RNF150: variants seen among roughly 807,000 people sequenced by gnomAD.
The protein encoded by RNF150 is ring finger protein 150.
RNF150 carries 24 observed loss-of-function variants against 39.3 expected under a neutral mutation model. That is an observed-to-expected ratio of 0.61 (90% confidence interval 0.44 to 0.86). The LOEUF (loss-of-function observed/expected upper bound fraction) is 0.86, where lower values mean the gene tolerates loss of function less well. RNF150 is among the 40% of genes least tolerant of loss of function. The pLI is 0.00. For synonymous variants in RNF150, 255 were observed against 227.3 expected (o/e 1.12, Z -1.10); for missense variants, 502 against 587.8 (o/e 0.85, Z 1.51).
chr4:141,034,922 C>T (rs1173674156), intron 1 of RNF150, among the ~76,000 whole-genome samples: 1 of 152,070 alleles, frequency 6.6e-6, no homozygotes, highest in Non-Finnish European at 1.5e-5. Context: ...TTGAGAATTA[C>T]CAAAATGTGA....
chr4:141,188,339 C>A (rs780974247), intron 1 of RNF150, among the ~76,000 whole-genome samples: 2 of 152,096 alleles, frequency 1.3e-5, no homozygotes, highest in Non-Finnish European at 2.9e-5. Flanking sequence ...TGTTGTTCTT[C>A]TTGAGGAGTA....
intron 1 of RNF150, among the ~76,000 whole-genome samples, chr4:141,176,883 C>T (rs1276216615): frequency 2.0e-5 from 3 of 152,090 alleles, no homozygotes; most frequent in Admixed American, 1.3e-4. Flanking sequence ...CTTTGAAGTA[C>T]ACACTCCTAT....
chr4:141,133,016 G>T lies in RNF150; in HGVS notation c.-208C>A, dbSNP rs1726947646. 2.0e-6 allele frequency: 1 copy of T among 500,150 alleles called. No individual in the cohort carries two copies. The highest frequency in any genetic ancestry group is 2.1e-5 in the African/African-American group (1 of 48,204). 31.0% of individuals were successfully genotyped at this position (500,150 alleles called of 1,614,324 possible). On this transcript the variant is annotated 5_prime_UTR_variant, in exon 1 of 7. Transcript: ENST00000515673. ...CTGGCCCCTTCCCCTCTCAGCTGTA[G>T]CGCGGTGGTTGCATTTTGCTTCTTG...
chr4:140,896,723 A>AAAT (rs1553989320), intron 6 of RNF150, among the ~76,000 whole-genome samples: 2,938 of 135,952 alleles, frequency 0.022, 137 homozygotes, highest in African/African-American at 0.079. Context: ...CAAACAAACA[A>AAAT]AAAAAAATAA....
At chr4:140,965,222 C>A (rs1479577421) in intron 2 of RNF150, among the ~76,000 whole-genome samples, 1 of 152,020 alleles carries the variant, frequency 6.6e-6, no homozygotes, top group African/African-American at 2.4e-5. Context: ...GTCTATCATG[C>A]AGAAAACAAG....
At chr4:140,894,824 T>C (rs1378264550) in intron 6 of RNF150, among the ~76,000 whole-genome samples, 2 of 152,202 alleles carry the variant, frequency 1.3e-5, no homozygotes, top group Non-Finnish European at 2.9e-5. Context: ...ATGTCGGCAG[T>C]TTCCTGTAAC....
chr4:141,007,616 A>C (rs1386815939), intron 1 of RNF150, among the ~76,000 whole-genome samples: 6 of 152,216 alleles, frequency 3.9e-5, no homozygotes, highest in Non-Finnish European at 7.3e-5. Context: ...TTTGATGTTG[A>C]AGTAAAATTT....
At chr4:140,906,925 T>C (rs1258181706) in intron 6 of RNF150, among the ~76,000 whole-genome samples, 1 of 152,036 alleles carries the variant, frequency 6.6e-6, no homozygotes, top group Non-Finnish European at 1.5e-5. Context: ...AATGGCGAGG[T>C]CAACAATCTC....
At chr4:140,924,269 C>T (rs1274885784) in intron 5 of RNF150, among the ~76,000 whole-genome samples, 1 of 152,096 alleles carries the variant, frequency 6.6e-6, no homozygotes, top group Non-Finnish European at 1.5e-5. Flanking sequence ...TGTTATTCAT[C>T]TTGGAAATAA....
chr4:141,007,486 G>T (rs73860241), intron 1 of RNF150, among the ~76,000 whole-genome samples: 11,546 of 152,178 alleles, frequency 0.076, 497 homozygotes, highest in Middle Eastern at 0.16. Context: ...AGGTCTATAA[G>T]TATATTTTAT....
intron 1 of RNF150, among the ~76,000 whole-genome samples, chr4:141,052,900 A>G (rs1736830171): frequency 2.0e-5 from 3 of 152,096 alleles, no homozygotes; most frequent in Non-Finnish European, 4.4e-5. Context: ...TATTTCCACA[A>G]TCCTGTGGCA....
intron 1 of RNF150, among the ~76,000 whole-genome samples, chr4:141,078,734 G>A (rs1738013353): frequency 6.9e-6 from 1 of 144,120 alleles, no homozygotes; most frequent in Admixed American, 7.0e-5. Flanking sequence ...AGCTTGCAGT[G>A]AGCCGAGATC....
chr4:141,186,775 T>C (rs892687587), intron 1 of RNF150, among the ~76,000 whole-genome samples: 1 of 152,172 alleles, frequency 6.6e-6, no homozygotes, highest in African/African-American at 2.4e-5. Context: ...GTGGTCCACC[T>C]ATTTTGTTAA....
At chr4:140,921,920 G>T (rs527410166) in intron 5 of RNF150, among the ~76,000 whole-genome samples, 1 of 151,596 alleles carries the variant, frequency 6.6e-6, no homozygotes, top group African/African-American at 2.4e-5. Flanking sequence ...ATTCAACAAC[G>T]CTTCATGCTA....
chr4:141,059,540 C>T (rs947893280), intron 1 of RNF150, among the ~76,000 whole-genome samples: 2 of 151,918 alleles, frequency 1.3e-5, no homozygotes, highest in Non-Finnish European at 2.9e-5. Context: ...TTTTAGAATT[C>T]ATCCAGTTGC....
At chr4:140,951,936 G>C (rs558956550) in intron 2 of RNF150, among the ~76,000 whole-genome samples, 76 of 152,006 alleles carry the variant, frequency 5.0e-4, no homozygotes, top group Non-Finnish European at 7.9e-4. Context: ...AATTTTTTTT[G>C]AAGACTAACC....
At chr4:141,005,114 T>G (rs140142285) in intron 1 of RNF150, among the ~76,000 whole-genome samples, 158 of 152,266 alleles carry the variant, frequency 1.0e-3, no homozygotes, top group African/African-American at 3.3e-3. Context: ...TATGACCCCA[T>G]GATTTCTGAT....
chr4:140,930,912 T>TGGAAAGGCCGC (rs67420767), intron 4 of RNF150, among the ~76,000 whole-genome samples: 2 of 294 alleles, frequency 6.8e-3, no homozygotes, highest in Admixed American at 0.14. Context: ...TTAACGACAA[T>TGGAAAGGCCGC]GGAAAGGTTG....
At chr4:141,176,029 C>T (rs1727805020) in intron 1 of RNF150, among the ~76,000 whole-genome samples, 3 of 151,796 alleles carry the variant, frequency 2.0e-5, no homozygotes, top group Admixed American at 6.6e-5. Context: ...AGACTACAAG[C>T]ACAAGTGCTA....
Sources: gnomAD v4.1 joint callset for allele counts (sites outside exome capture counted in the v4.1 genomes callset) on GRCh38, gnomAD v4.1.1 for gene constraint, MANE v1.5 for transcripts, NCBI Gene and HGNC (gene_info 2026-07-23, HGNC 2026-07-21) for gene names.